TBC1D22A: variants seen among roughly 807,000 people sequenced by gnomAD.
The protein encoded by TBC1D22A is TBC1 domain family member 22A.
Under a neutral mutation model 60.2 loss-of-function variants are expected in TBC1D22A, and 38 were observed. The observed-to-expected ratio is 0.63, with a 90% CI of 0.49 to 0.83. TBC1D22A has a LOEUF of 0.83. Ranked by LOEUF, TBC1D22A falls within the 40% of genes least tolerant of loss-of-function variation. The pLI is 0.00. For synonymous variants in TBC1D22A, 302 were observed against 281.7 expected (o/e 1.07, Z -0.72); for missense variants, 628 against 701.0 (o/e 0.90, Z 1.18).
At chr22:47,065,210 A>T (rs1342187897) in intron 11 of TBC1D22A, among the ~76,000 whole-genome samples, 1 of 152,180 alleles carries the variant, frequency 6.6e-6, no homozygotes, top group Non-Finnish European at 1.5e-5. Flanking sequence ...GTTAGCCAGG[A>T]TGGTCTCAAT....
intron 8 of TBC1D22A, among the ~76,000 whole-genome samples, chr22:46,945,578 G>C (rs2072484529): frequency 6.6e-6 from 1 of 152,170 alleles, no homozygotes; most frequent in East Asian, 1.9e-4. Flanking sequence ...TATGGGGAAA[G>C]GTGTGACCAA....
chr22:47,131,538 CT>C (rs2066678843), intron 12 of TBC1D22A, among the ~76,000 whole-genome samples: 1 of 152,190 alleles, frequency 6.6e-6, no homozygotes, highest in Non-Finnish European at 1.5e-5. Flanking sequence ...TGATCTGTGA[CT>C]CCATGTGGGG....
At chr22:46,985,816 T>G (rs1296032859) in intron 9 of TBC1D22A, among the ~76,000 whole-genome samples, 4 of 152,224 alleles carry the variant, frequency 2.6e-5, no homozygotes, top group African/African-American at 9.6e-5. Flanking sequence ...GGGTCTTCAT[T>G]TATTCCGATT....
rs1189238344 is a variant in TBC1D22A at position 46,941,612 on chromosome 22, A to AAC, written c.1015+29425_1015+29426insCA. ...ATATATACGGAATATATATACGCGG[A>AAC]ATATATATACGGAATATATATACGC... On this transcript the variant is annotated intron_variant, in intron 8 of 12. Coordinates refer to ENST00000337137, the MANE Select transcript of TBC1D22A (RefSeq NM_014346.5). Among the ~76,000 whole-genome samples, 1,448 of 148,178 alleles carry AAC rather than the reference A, an allele frequency of 9.8e-3. 141 individuals are homozygous for AAC. The highest frequency in any genetic ancestry group is 0.016 in the Non-Finnish European group (1,106 of 67,262).
At chr22:46,791,451 G>T (rs528870616) in intron 1 of TBC1D22A, among the ~76,000 whole-genome samples, 32 of 152,062 alleles carry the variant, frequency 2.1e-4, no homozygotes, top group African/African-American at 7.0e-4. Context: ...ACTCACGCAC[G>T]ATGGCTGAGG....
intron 10 of TBC1D22A, among the ~76,000 whole-genome samples, chr22:47,020,167 T>G (rs113007952): frequency 0.045 from 6,790 of 152,294 alleles, 257 homozygotes; most frequent in African/African-American, 0.092. Flanking sequence ...GTCATGAGCT[T>G]GCATTCTTAT....
intron 12 of TBC1D22A, chr22:47,116,547 G>C (rs2066065153): frequency 6.6e-6 from 1 of 152,276 alleles, no homozygotes; most frequent in Non-Finnish European, 1.5e-5. Context: ...CGGCGAGGAG[G>C]CACCAGAGCG....
intron 4 of TBC1D22A, among the ~76,000 whole-genome samples, chr22:46,867,870 C>G (rs1569151612): frequency 6.6e-6 from 1 of 152,234 alleles, no homozygotes; most frequent in African/African-American, 2.4e-5. Flanking sequence ...AAAAAAGCCA[C>G]CCGGCAGAAT....
At chr22:46,986,079 T>C (rs2074712754) in intron 9 of TBC1D22A, among the ~76,000 whole-genome samples, 1 of 152,266 alleles carries the variant, frequency 6.6e-6, no homozygotes, top group Non-Finnish European at 1.5e-5. Context: ...TGACTTAATT[T>C]CTGTATATGG....
chr22:47,033,024 G>A (rs1323295789), intron 10 of TBC1D22A, among the ~76,000 whole-genome samples: 1 of 152,192 alleles, frequency 6.6e-6, no homozygotes, highest in Non-Finnish European at 1.5e-5. Context: ...GTAGCCAACT[G>A]CTCCTTCATG....
chr22:47,141,053 A>G (rs888097865), intron 12 of TBC1D22A, among the ~76,000 whole-genome samples: 1 of 152,240 alleles, frequency 6.6e-6, no homozygotes, highest in East Asian at 1.9e-4. Context: ...ACAGTTCCAC[A>G]TGGCTGGGGA....
intron 11 of TBC1D22A, among the ~76,000 whole-genome samples, chr22:47,072,514 T>C (rs1328959174): frequency 6.6e-6 from 1 of 152,236 alleles, no homozygotes; most frequent in East Asian, 1.9e-4. Context: ...ATGTTTCAGA[T>C]GCAGGGGCTT....
chr22:47,039,935 CTTTT>C lies in TBC1D22A; in HGVS notation c.1329+2761_1329+2764del, dbSNP rs570751261. ...CAAGGCGTCGGGGAGGTGCCACAGC[CTTTT>C]TTTTTTTTTTTTTTTTTTTTTTTGA... On this transcript the variant is annotated intron_variant, in intron 11 of 12. Coordinates refer to ENST00000337137, the MANE Select transcript of TBC1D22A (RefSeq NM_014346.5). Among the ~76,000 whole-genome samples the C allele has an allele frequency of 4.4e-3, 339 of 77,254 alleles. 1 individual carries two copies. Among genetic ancestry groups the C allele is most frequent in the African/African-American group, 0.02 (311 of 15,894 alleles). The allele number at this position is 77,254 out of a possible 152,430, so 50.7% of individuals were successfully genotyped here.
intron 9 of TBC1D22A, among the ~76,000 whole-genome samples, chr22:46,976,326 G>A (rs958829900): frequency 2.0e-5 from 3 of 152,162 alleles, no homozygotes; most frequent in Non-Finnish European, 4.4e-5. Context: ...TCACCGTCCC[G>A]TGGCAGCCGT....
intron 11 of TBC1D22A, among the ~76,000 whole-genome samples, chr22:47,098,629 G>A (rs773986171): frequency 5.9e-5 from 9 of 152,184 alleles, no homozygotes; most frequent in East Asian, 1.9e-4. Context: ...CATGCACCAG[G>A]CTGCCCTGGG....
At chr22:46,797,340 G>A (rs958036475) in intron 3 of TBC1D22A, 104 bp from the exon 4 acceptor site, 6 of 1,293,294 alleles carry the variant, frequency 4.6e-6, no homozygotes, top group Non-Finnish European at 6.6e-6. Context: ...GTGATGGGAA[G>A]AAGGGACCCA....
intron 1 of TBC1D22A, among the ~76,000 whole-genome samples, 155 bp from the exon 2 acceptor site, chr22:46,792,365 C>A (rs1036900294): frequency 6.6e-6 from 1 of 152,156 alleles, no homozygotes; most frequent in East Asian, 1.9e-4. Flanking sequence ...GCCCTCAGGA[C>A]CCCGGGTGGC....
At chr22:47,158,586 C>T (rs1167886268) in intron 12 of TBC1D22A, among the ~76,000 whole-genome samples, 1 of 152,154 alleles carries the variant, frequency 6.6e-6, no homozygotes, top group African/African-American at 2.4e-5. Flanking sequence ...CCTCCCAGTC[C>T]TGTGTGTGGG....
In TBC1D22A at chr22:46,975,549, C is replaced by G. The variant is rs2074262342; in HGVS notation, c.1125+1150C>G. On this transcript the variant is annotated intron_variant, in intron 9 of 12. Coordinates refer to ENST00000337137, the MANE Select transcript of TBC1D22A (RefSeq NM_014346.5). ...TGTTCTGCCAGCATCCCTGTTATCC[C>G]AGCTCAAAGGGGGGCCCTCATCTGA... Among the ~76,000 whole-genome samples, 3 of 152,152 alleles carry G rather than the reference C, an allele frequency of 2.0e-5. No homozygotes were observed. The South Asian group carries it at 6.2e-4, about 31-fold the overall frequency.
Sources: gnomAD v4.1 joint callset for allele counts (sites outside exome capture counted in the v4.1 genomes callset) on GRCh38, gnomAD v4.1.1 for gene constraint, MANE v1.5 for transcripts, NCBI Gene and HGNC (gene_info 2026-07-23, HGNC 2026-07-21) for gene names.